DACH2: variants seen among roughly 807,000 people sequenced by gnomAD.
The protein encoded by DACH2 is dachshund homolog 2.
A neutral mutation model predicts 35.8 loss-of-function variants in DACH2; 17 were observed. The ratio of observed to expected loss-of-function variants is 0.48; its 90% CI spans 0.33 to 0.71. The LOEUF (loss-of-function observed/expected upper bound fraction) is 0.71, where lower values mean the gene tolerates loss of function less well. Ranked by LOEUF, DACH2 falls within the 30% of genes least tolerant of loss-of-function variation. The pLI is 0.02. For missense variants in DACH2, 469 were observed against 472.7 expected, an observed-to-expected ratio of 0.99 and a Z score of 0.07; for synonymous variants, 195 against 177.3, an observed-to-expected ratio of 1.10 and a Z score of -0.79.
Position 86,148,988 on chromosome X carries a change from G to C in DACH2, c.368G>C (p.Cys123Ser). ...AGACTGGATATATCCCCCGTGGTGTGTACTGTTGAGCAGGTCCGGATCCTC... is the reference window on the plus strand; with the variant it reads ...AGACTGGATATATCCCCCGTGGTGTCTACTGTTGAGCAGGTCCGGATCCTC... ...LKRLDISPVV[C>S]TVEQVRILRG... Residue 123 changes from cysteine (C) to serine (S), a missense_variant, in exon 1 of 12, where the codon TGT becomes TCT. By Grantham distance (112) the Cys-to-Ser change is moderately radical. Transcript: ENST00000373125. 8.3e-7 allele frequency: 1 copy of C among 1,211,456 alleles called. No homozygotes were observed.
At chrX:86,177,277 T>C (rs2031333372) in intron 1 of DACH2, among the ~76,000 whole-genome samples, 2 of 112,193 alleles carry the variant, frequency 1.8e-5, no homozygotes, top group Non-Finnish European at 3.8e-5. Context: ...GATCCTTTAC[T>C]CATAGATGCT....
chrX:86,293,529 T>C (rs1397965928), intron 1 of DACH2, among the ~76,000 whole-genome samples: 2 of 110,523 alleles, frequency 1.8e-5, no homozygotes, highest in Non-Finnish European at 3.8e-5. Flanking sequence ...CGATGGTCTT[T>C]ACATTTTGGC....
At chrX:86,388,655 A>G (rs1240692351) in intron 2 of DACH2, among the ~76,000 whole-genome samples, 1 of 111,942 alleles carries the variant, frequency 8.9e-6, no homozygotes, top group East Asian at 2.8e-4. Context: ...ATCAAATTCT[A>G]GGCTTTGGGA....
At chrX:86,731,699 G>A (rs2041534525) in intron 6 of DACH2, among the ~76,000 whole-genome samples, 1 of 111,809 alleles carries the variant, frequency 8.9e-6, no homozygotes, top group African/African-American at 3.2e-5. Flanking sequence ...AAAATGTTTG[G>A]TGATTAGAAG....
intron 1 of DACH2, among the ~76,000 whole-genome samples, chrX:86,245,767 C>T (rs1052546844): frequency 1.8e-5 from 2 of 111,845 alleles, no homozygotes; most frequent in African/African-American, 6.5e-5. Flanking sequence ...TTCTATAAGC[C>T]AGAATATCTT....
chrX:86,461,806 A>G (rs1259530533), intron 2 of DACH2, among the ~76,000 whole-genome samples: 1 of 111,853 alleles, frequency 8.9e-6, no homozygotes, highest in Non-Finnish European at 1.9e-5. Flanking sequence ...GCTTTCTGAT[A>G]TGCTATTACA....
intron 3 of DACH2, among the ~76,000 whole-genome samples, chrX:86,633,858 A>T (rs1173636206): frequency 8.9e-6 from 1 of 112,323 alleles, no homozygotes; most frequent in Non-Finnish European, 1.9e-5. Context: ...TATTAACAGA[A>T]TTAAAAACAA....
chrX:86,752,263 T>C (rs1205384001), intron 7 of DACH2, among the ~76,000 whole-genome samples: 1 of 111,714 alleles, frequency 9.0e-6, no homozygotes, highest in Non-Finnish European at 1.9e-5. Flanking sequence ...TCCTTTCTAA[T>C]ACTTATCTTT....
At chrX:86,214,193 G>A in intron 1 of DACH2, among the ~76,000 whole-genome samples, 1 of 110,947 alleles carries the variant, frequency 9.0e-6, no homozygotes, top group East Asian at 2.8e-4. Flanking sequence ...TTGCTTATAG[G>A]ACACTCATTT....
intron 2 of DACH2, among the ~76,000 whole-genome samples, chrX:86,430,446 T>C (rs1005609506): frequency 2.7e-5 from 3 of 112,885 alleles, no homozygotes; most frequent in Non-Finnish European, 5.6e-5. Context: ...TGATTAATTA[T>C]ACTTTTAAGA....
intron 1 of DACH2, among the ~76,000 whole-genome samples, chrX:86,185,767 T>C (rs1317630715): frequency 8.9e-6 from 1 of 112,197 alleles, no homozygotes; most frequent in Non-Finnish European, 1.9e-5. Context: ...CATTATTTAG[T>C]TTAAAAACCT....
intron 2 of DACH2, among the ~76,000 whole-genome samples, chrX:86,466,817 C>T (rs1257163826): frequency 1.8e-5 from 2 of 111,257 alleles, no homozygotes; most frequent in African/African-American, 6.5e-5. Context: ...GAGGCTTGCA[C>T]CCTCTGAAGC....
intron 11 of DACH2, chrX:86,828,930 G>A (rs1602998850): frequency 9.0e-6 from 1 of 111,422 alleles, no homozygotes; most frequent in African/African-American, 3.3e-5. Flanking sequence ...TTGTTTTCAC[G>A]TCTGCCCTAG....
intron 7 of DACH2, among the ~76,000 whole-genome samples, chrX:86,805,558 C>CTT (rs370290855): frequency 9.6e-6 from 1 of 104,471 alleles, no homozygotes. Flanking sequence ...AGAAAATGGG[C>CTT]TTTTTTTTTT....
chrX:86,416,139 C>T (rs2036699808), intron 2 of DACH2, among the ~76,000 whole-genome samples: 1 of 112,103 alleles, frequency 8.9e-6, no homozygotes, highest in East Asian at 2.8e-4. Flanking sequence ...GGATTTTACA[C>T]AATTGTATAT....
intron 3 of DACH2, among the ~76,000 whole-genome samples, chrX:86,569,852 G>A (rs2080867022): frequency 9.0e-6 from 1 of 111,346 alleles, no homozygotes; most frequent in African/African-American, 3.3e-5. Flanking sequence ...TCTGACAAAG[G>A]TCTAATATCC....
At chrX:86,579,279 G>A (rs764613232) in intron 3 of DACH2, among the ~76,000 whole-genome samples, 85 of 110,759 alleles carry the variant, frequency 7.7e-4, no homozygotes, top group Non-Finnish European at 1.1e-3. Flanking sequence ...TTTTAGTAGA[G>A]TTGAGGTTTC....
At chrX:86,751,640 A>G (rs986734527) in intron 7 of DACH2, among the ~76,000 whole-genome samples, 7 of 111,124 alleles carry the variant, frequency 6.3e-5, no homozygotes, top group African/African-American at 2.0e-4. Context: ...GCATTGTTGG[A>G]CTCACAATAT....
intron 1 of DACH2, among the ~76,000 whole-genome samples, chrX:86,285,821 T>G (rs1471189541): frequency 2.7e-5 from 3 of 111,713 alleles, no homozygotes; most frequent in African/African-American, 9.8e-5. Flanking sequence ...GCTTTAATAA[T>G]ATTTTCTTTA....
Sources: allele counts gnomAD v4.1 joint callset (sites outside exome capture counted in the v4.1 genomes callset), GRCh38; gene constraint gnomAD v4.1.1; transcripts MANE v1.5; gene names NCBI Gene and HGNC (gene_info 2026-07-23, HGNC 2026-07-21).